Variants in PRKG1 observed in about 807,000 individuals in gnomAD.
The protein encoded by PRKG1 is cGMP-dependent protein kinase 1.
In PRKG1, 35 loss-of-function variants were observed where a neutral mutation model predicts 88.1. The observed-to-expected ratio is 0.40, with a 90% CI of 0.30 to 0.53. The LOEUF is 0.53. PRKG1 is among the 20% of genes least tolerant of loss of function. PRKG1 has a pLI of 0.59. For synonymous variants in PRKG1, 303 were observed against 292.5 expected (o/e 1.04, Z -0.37); for missense variants, 540 against 839.8 (o/e 0.64, Z 4.41).
At chr10:52,260,321 C>G (rs904833005) in intron 10 of PRKG1, among the ~76,000 whole-genome samples, 4 of 151,996 alleles carry the variant, frequency 2.6e-5, no homozygotes, top group African/African-American at 9.7e-5. Flanking sequence ...TTAAAGTTTT[C>G]CAGTATGTAA....
chr10:51,389,443 C>G (rs909413347), intron 2 of PRKG1, among the ~76,000 whole-genome samples: 6 of 152,132 alleles, frequency 3.9e-5, no homozygotes, highest in African/African-American at 1.2e-4. Context: ...ACTAGAATTA[C>G]TTAACTAAAT....
At chr10:52,104,049 G>A (rs1847359091) in intron 7 of PRKG1, among the ~76,000 whole-genome samples, 1 of 147,098 alleles carries the variant, frequency 6.8e-6, no homozygotes, top group South Asian at 2.1e-4. Flanking sequence ...ATATCTCATA[G>A]TTTATTTTAG....
intron 4 of PRKG1, 46 bp downstream of exon 4, chr10:51,804,736 A>C: frequency 2.2e-6 from 3 of 1,366,778 alleles, no homozygotes; most frequent in Non-Finnish European, 3.1e-6. Context: ...CTTTCCTTTT[A>C]GCCCTATTAT....
chr10:52,106,145 A>G (rs1847416488), intron 7 of PRKG1, among the ~76,000 whole-genome samples: 1 of 152,226 alleles, frequency 6.6e-6, no homozygotes, highest in African/African-American at 2.4e-5. Flanking sequence ...TATTTTAAAA[A>G]TAGCAATAAA....
At chr10:51,770,394 T>C (rs769712039) in intron 3 of PRKG1, among the ~76,000 whole-genome samples, 6 of 152,216 alleles carry the variant, frequency 3.9e-5, no homozygotes, top group Non-Finnish European at 5.9e-5. Flanking sequence ...CAGTATGGTA[T>C]TTAAAGTTAT....
chr10:51,329,369 G>C (rs369512206), intron 2 of PRKG1, among the ~76,000 whole-genome samples: 45 of 152,158 alleles, frequency 3.0e-4, no homozygotes, highest in African/African-American at 8.4e-4. Context: ...TAAATCAGTT[G>C]GCTGTAAATG....
At chr10:51,548,943 T>TA (rs1350536851) in intron 3 of PRKG1, among the ~76,000 whole-genome samples, 3 of 151,918 alleles carry the variant, frequency 2.0e-5, no homozygotes, top group South Asian at 2.1e-4. Context: ...TTTTACCTGA[T>TA]AAAAAACTTT....
intron 2 of PRKG1, among the ~76,000 whole-genome samples, chr10:51,391,596 A>G (rs913375150): frequency 3.0e-4 from 46 of 152,186 alleles, no homozygotes; most frequent in African/African-American, 1.1e-3. Context: ...GGAGGATTTT[A>G]CCACCTTCTG....
At chr10:51,567,471 T>C (rs1239995712) in intron 3 of PRKG1, among the ~76,000 whole-genome samples, 1 of 152,112 alleles carries the variant, frequency 6.6e-6, no homozygotes, top group East Asian at 1.9e-4. Flanking sequence ...GGAGACCACA[T>C]TACCCAGTGG....
intron 4 of PRKG1, among the ~76,000 whole-genome samples, chr10:51,887,437 T>C (rs1056708436): frequency 6.6e-5 from 10 of 151,950 alleles, no homozygotes; most frequent in African/African-American, 2.2e-4. Flanking sequence ...TTTCCAGAAG[T>C]GGGACTGCTG....
At chr10:51,751,885 TA>T (rs1298942787) in intron 3 of PRKG1, among the ~76,000 whole-genome samples, 1 of 152,194 alleles carries the variant, frequency 6.6e-6, no homozygotes, top group Non-Finnish European at 1.5e-5. Flanking sequence ...ATTTGTTGCG[TA>T]AAGTAATAAA....
At chr10:51,808,466 A>C (rs563301927) in intron 4 of PRKG1, among the ~76,000 whole-genome samples, 20 of 152,176 alleles carry the variant, frequency 1.3e-4, no homozygotes, top group African/African-American at 4.6e-4. Flanking sequence ...TACCAGGTGC[A>C]GTGGCATGTG....
At chr10:51,405,739 A>T (rs1564480079) in intron 2 of PRKG1, among the ~76,000 whole-genome samples, 1 of 152,282 alleles carries the variant, frequency 6.6e-6, no homozygotes, top group East Asian at 1.9e-4. Context: ...TTGCTCCCAT[A>T]AAAGGTATCC....
chr10:51,540,480 G>A (rs1842272353), intron 3 of PRKG1, among the ~76,000 whole-genome samples: 1 of 151,982 alleles, frequency 6.6e-6, no homozygotes, highest in Non-Finnish European at 1.5e-5. Context: ...CTTTAGGTAT[G>A]ATCTAAAGAT....
At chr10:52,009,746 A>T in intron 5 of PRKG1, among the ~76,000 whole-genome samples, 1 of 152,176 alleles carries the variant, frequency 6.6e-6, no homozygotes, top group East Asian at 1.9e-4. Context: ...ACAAATCTGG[A>T]GGCATAACAT....
At chr10:51,915,841 C>T (rs1842327754) in intron 5 of PRKG1, among the ~76,000 whole-genome samples, 1 of 152,042 alleles carries the variant, frequency 6.6e-6, no homozygotes. Flanking sequence ...CCTATAAGGA[C>T]ACAAAAAATT....
At chr10:51,137,350 T>C (rs1001858627) in intron 1 of PRKG1, among the ~76,000 whole-genome samples, 1 of 152,180 alleles carries the variant, frequency 6.6e-6, no homozygotes, top group Non-Finnish European at 1.5e-5. Context: ...GCTATAAATA[T>C]ATGACAGTAA....
At chr10:52,136,487 C>A (rs1267130628) in intron 8 of PRKG1, among the ~76,000 whole-genome samples, 1 of 151,940 alleles carries the variant, frequency 6.6e-6, no homozygotes, top group Admixed American at 6.6e-5. Context: ...TTTCCCTAAT[C>A]CTAATTTTCT....
At chr10:51,999,259 G>A (rs2133145570) in intron 5 of PRKG1, among the ~76,000 whole-genome samples, 2 of 152,266 alleles carry the variant, frequency 1.3e-5, no homozygotes, top group East Asian at 1.9e-4. Flanking sequence ...CAAGTTGAGG[G>A]CGTTACATTG....
Sources: gnomAD v4.1 joint callset for allele counts (sites outside exome capture counted in the v4.1 genomes callset) on GRCh38, gnomAD v4.1.1 for gene constraint, MANE v1.5 for transcripts, NCBI Gene and HGNC (gene_info 2026-07-23, HGNC 2026-07-21) for gene names.